P2RX6: variants seen among roughly 807,000 people sequenced by gnomAD.
The protein encoded by P2RX6 is P2X purinoceptor 6.
Under a neutral mutation model 54.2 loss-of-function variants are expected in P2RX6, and 62 were observed. That is an observed-to-expected ratio of 1.14 (90% CI 0.93 to 1.41). The LOEUF (loss-of-function observed/expected upper bound fraction) is 1.41, where lower values mean the gene tolerates loss of function less well. Ranked by LOEUF, P2RX6 falls within the 40% of genes most tolerant of loss-of-function variation. The pLI, the probability that P2RX6 is intolerant of heterozygous loss-of-function variation, is 0.00. For missense variants in P2RX6, 541 were observed against 566.3 expected, an observed-to-expected ratio of 0.96 and a Z score of 0.45; for synonymous variants, 211 against 231.9, an observed-to-expected ratio of 0.91 and a Z score of 0.82.
chr22:21,016,039 A>G lies in P2RX6; in HGVS notation c.262A>G (p.Lys88Glu). The G allele has an allele frequency of 6.4e-7, 1 of 1,559,828 alleles. No individual in the cohort carries two copies. Among genetic ancestry groups the G allele is most frequent in the Non-Finnish European group, 8.7e-7 (1 of 1,152,580 alleles). Residue 88 changes from lysine (K) to glutamate (E), a missense_variant, in exon 2 of 12, where the codon AAG (lysine) becomes GAG (glutamate). Lys to Glu is a moderately conservative substitution (Grantham distance 56, BLOSUM62 1). Coordinates refer to ENST00000413302, the MANE Select transcript of P2RX6 (RefSeq NM_005446.5). ...CAAAGGGGTTTCCGTCACTCAGATC[A>G]AGGAGCTTGGAAACCGGCTGTGGGA... Reference protein sequence around the residue: ...KLKGVSVTQIKELGNRLWDVA... With the variant: ...KLKGVSVTQIEELGNRLWDVA...
At chr22:21,020,579 C>CTTTTTT (rs371860947) in intron 3 of P2RX6, among the ~76,000 whole-genome samples, 1 of 132,558 alleles carries the variant, frequency 7.5e-6, no homozygotes. Context: ...TGAGCAGAAT[C>CTTTTTT]TTTTTTTTTT....
chr22:21,023,500 T>G lies in P2RX6; in HGVS notation c.781-9T>G, dbSNP rs759908113. On this transcript the variant is annotated splice_polypyrimidine_tract_variant and intron_variant, in intron 7 of 11. Coordinates refer to ENST00000413302, the MANE Select transcript of P2RX6 (RefSeq NM_005446.5). ...ACCCACCGGTGGAAAAGCTATGTGC[T>G]ATGTGCAGGGTGGCTCTGTAGGCAT... is the stretch of plus-strand genomic sequence containing the variant. 24 of 1,613,564 alleles carry G rather than the reference T, an allele frequency of 1.5e-5. No individual in the cohort carries two copies. Among genetic ancestry groups the G allele is most frequent in the Non-Finnish European group, 1.9e-5 (22 of 1,179,670 alleles).
chr22:21,010,961 C>T (rs200779659), upstream of P2RX6, among the ~76,000 whole-genome samples: 2,407 of 151,458 alleles, frequency 0.016, 22 homozygotes, highest in South Asian at 0.031. Flanking sequence ...TCCTTCCCAC[C>T]CTGCACATTT....
At chr22:21,011,130 T>G (rs187831445), upstream of P2RX6, among the ~76,000 whole-genome samples, 436 of 151,472 alleles carry the variant, frequency 2.9e-3, 4 homozygotes, top group Middle Eastern at 3.4e-3. Flanking sequence ...AGGAACTTGG[T>G]TTTGTTCAAG....
At position 21,026,673 on chromosome 22, in the gene P2RX6, A is replaced by G; in HGVS notation, c.*56A>G. 5 of 1,525,160 alleles carry G rather than the reference A, an allele frequency of 3.3e-6. No homozygotes were observed. The highest frequency in any genetic ancestry group is 4.4e-6 in the Non-Finnish European group (5 of 1,132,218). 94.5% of individuals were successfully genotyped at this position (1,525,160 alleles called of 1,614,324 possible). ...GGGAAGGGCGGGGCCCTGCCTGGGG[A>G]TCTCAAGGATGAGGCCCCAGCATGG... is the stretch of plus-strand genomic sequence containing the variant. On this transcript the variant is annotated 3_prime_UTR_variant, in exon 12 of 12. Coordinates refer to ENST00000413302, the MANE Select transcript of P2RX6 (RefSeq NM_005446.5). This position sits in a 1 kb window ranked among gnomAD's most constrained non-coding sequence, Gnocchi z 4.0.
intron 2 of P2RX6, 134 bp downstream of exon 2, chr22:21,016,226 T>C (rs1926365208): frequency 3.2e-6 from 3 of 936,650 alleles, no homozygotes; most frequent in Middle Eastern, 3.4e-4. Context: ...CAGGAAGGGC[T>C]TCACAGAGGA....
Position 21,015,986 on chromosome 22 carries a change from A to G in P2RX6, c.209A>G (p.Glu70Gly). The G allele has an allele frequency of 6.5e-7, 1 of 1,550,294 alleles. No homozygotes were observed. The highest frequency in any genetic ancestry group is 8.7e-7 in the Non-Finnish European group (1 of 1,147,262). ...AAAGGCTACCAGGAGCGGGACCTGG[A>G]ACCCCAGTTTTCCATCATCACCAAA... ...AKKGYQERDL[E>G]PQFSIITKLK... The change falls in exon 2 of 12, where the codon GAA becomes GGA. Residue 70 changes from glutamate to glycine, a missense_variant. By Grantham distance (98) the Glu-to-Gly change is moderately conservative. Around this residue, in one of 2 missense-constraint regions of P2RX6, gnomAD observed 526 missense variants for 531.5 expected, o/e 0.99. Coordinates refer to ENST00000413302, the MANE Select transcript of P2RX6 (RefSeq NM_005446.5).
At chr22:21,012,684 G>T, upstream of P2RX6, 1 of 433,682 alleles carries the variant, frequency 2.3e-6, no homozygotes, top group South Asian at 2.7e-5. Context: ...CAAACACACT[G>T]GCCACTATCC....
At position 21,023,098 on chromosome 22, in the gene P2RX6, C is replaced by A. The variant is rs1391733588; in HGVS notation, c.558-20C>A. 8 of 1,613,174 alleles carry A rather than the reference C, an allele frequency of 5.0e-6. No homozygotes were observed. The highest frequency in any genetic ancestry group is 6.8e-6 in the Non-Finnish European group (8 of 1,179,256). On this transcript the variant is annotated intron_variant, in intron 5 of 11. Transcript: ENST00000413302. ...GGGCCCCAGGCCTGGCAGAGGCTGT[C>A]ACCTCCCTTCCACCTGCAGGAGGCC...
chr22:21,023,500 T>TA lies in P2RX6; in HGVS notation c.781-8dup. 1 of 1,613,682 alleles carries TA rather than the reference T, an allele frequency of 6.2e-7. No homozygotes were observed. The highest frequency in any genetic ancestry group is 8.5e-7 in the Non-Finnish European group (1 of 1,179,662). ...ACCCACCGGTGGAAAAGCTATGTGC[T>TA]ATGTGCAGGGTGGCTCTGTAGGCAT... is the stretch of plus-strand genomic sequence containing the variant. On this transcript the variant is annotated splice_polypyrimidine_tract_variant and intron_variant, in intron 7 of 11. Coordinates refer to ENST00000413302, the MANE Select transcript of P2RX6 (RefSeq NM_005446.5).
intron 8 of P2RX6, among the ~76,000 whole-genome samples, chr22:21,024,840 G>A (rs1019843673): frequency 1.1e-4 from 16 of 150,276 alleles, no homozygotes; most frequent in Non-Finnish European, 2.1e-4. Context: ...CAAAGTGCTG[G>A]GATTACAGGC....
upstream of P2RX6, among the ~76,000 whole-genome samples, chr22:21,013,466 T>C (rs1925885612): frequency 6.6e-6 from 1 of 152,218 alleles, no homozygotes; most frequent in Non-Finnish European, 1.5e-5. Flanking sequence ...TAGCCCCCTG[T>C]AGTCTCAGCG....
In P2RX6 at chr22:21,022,726, A is replaced by C; in HGVS notation, c.438A>C (p.Glu146Asp). 2 of 1,577,574 alleles carry C rather than the reference A, an allele frequency of 1.3e-6. No homozygotes were observed. The highest frequency in any genetic ancestry group is 2.4e-5 in the South Asian group (2 of 84,744). Residue 146 changes from glutamate (E) to aspartate (D), a missense_variant, in exon 4 of 12, where the codon GAA becomes GAC. Physicochemically the swap from Glu to Asp is conservative, Grantham distance 45 (BLOSUM62 2). Transcript: ENST00000413302. ...ANCWVDEDCP[E>D]GEGGTHSHGV... ...GCTGGGTCGACGAGGACTGCCCCGA[A>C]GGGGAGGGAGGCACACACAGCCACG...
At chr22:21,019,663 A>G (rs116207221) in intron 3 of P2RX6, among the ~76,000 whole-genome samples, 3,445 of 152,354 alleles carry the variant, frequency 0.023, 88 homozygotes, top group African/African-American at 0.066. Context: ...AGACAAACAC[A>G]CATAAATATA....
chr22:21,022,204 C>CA (rs3831681), intron 3 of P2RX6, among the ~76,000 whole-genome samples: 67 of 148,610 alleles, frequency 4.5e-4, no homozygotes, highest in East Asian at 1.2e-3. Context: ...TCCATCTCTA[C>CA]AAAAAAAAAA....
chr22:21,012,885 C>T (rs1318538658), upstream of P2RX6, among the ~76,000 whole-genome samples: 1 of 152,000 alleles, frequency 6.6e-6, no homozygotes, highest in Non-Finnish European at 1.5e-5. Context: ...TCTGTCATAG[C>T]ATCAATCCCA....
In P2RX6 at chr22:21,026,752, A is replaced by G; in HGVS notation, c.*135A>G. ...ACCCCAGCAGACAGTCCCTCCCCTG[A>G]CTCCCACCTTGGTAGGGTGCTGCCT... On this transcript the variant is annotated 3_prime_UTR_variant, in exon 12 of 12. Transcript: ENST00000413302. The surrounding 1 kb of genome is among the most constrained non-coding windows in gnomAD (Gnocchi z 4.0). The G allele has an allele frequency of 7.0e-7, 1 of 1,436,292 alleles. No individual in the cohort carries two copies. Among genetic ancestry groups the G allele is most frequent in the Non-Finnish European group, 9.2e-7 (1 of 1,092,632 alleles). 89.0% of individuals were successfully genotyped at this position (1,436,292 alleles called of 1,614,324 possible). A position where few individuals can be genotyped will look rare whatever the true frequency, so the allele number is the denominator to read the frequency against.
In P2RX6 at chr22:21,015,281, G is replaced by C; in HGVS notation, c.107G>C (p.Trp36Ser). 24 of 1,555,472 alleles carry C rather than the reference G, an allele frequency of 1.5e-5. No homozygotes were observed. Among genetic ancestry groups the C allele is most frequent in the Non-Finnish European group, 2.1e-5 (24 of 1,158,882 alleles). Residue 36 changes from tryptophan (W) to serine (S), a missense_variant, in exon 1 of 12, where the codon TGG becomes TCG. Trp to Ser is a radical substitution (Grantham distance 177, BLOSUM62 -3). Around this residue, in one of 2 missense-constraint regions of P2RX6, gnomAD observed 526 missense variants for 531.5 expected, o/e 0.99. Transcript: ENST00000413302. ...KTEKYVMTRN[W>S]RVGALQRLLQ... ...GAGAAGTATGTGATGACCAGGAACT[G>C]GCGGGTGGGCGCCCTGCAGAGGCTG... is the stretch of plus-strand genomic sequence containing the variant.
intron 1 of P2RX6, among the ~76,000 whole-genome samples, chr22:21,015,734 A>T (rs142522673): frequency 3.4e-3 from 512 of 152,018 alleles, no homozygotes; most frequent in Non-Finnish European, 5.5e-3. Flanking sequence ...TGATTGTCTG[A>T]GGGCATTGGC....
Sources: allele counts gnomAD v4.1 joint callset (sites outside exome capture counted in the v4.1 genomes callset), GRCh38; gene constraint gnomAD v4.1.1; regional missense constraint gnomAD v4.1.1; non-coding constraint Gnocchi (gnomAD v3.1); transcripts MANE v1.5; gene names NCBI Gene and HGNC (gene_info 2026-07-23, HGNC 2026-07-21).